Variants in NRG1 observed in about 807,000 individuals in gnomAD.
NRG1 encodes pro-neuregulin-1, membrane-bound isoform.
A neutral mutation model predicts 63.8 loss-of-function variants in NRG1; 18 were observed. The ratio of observed to expected loss-of-function variants is 0.28; its 90% CI spans 0.19 to 0.42. NRG1 has a LOEUF of 0.42. Among genes scored for constraint, NRG1 ranks in the 10% least tolerant of loss-of-function variants. The pLI is 1.00. For missense variants in NRG1, 762 were observed against 814.7 expected (o/e 0.94, Z 0.79); for synonymous variants, 302 against 301.3 (o/e 1.00, Z -0.02).
intron 1 of NRG1, among the ~76,000 whole-genome samples, chr8:32,383,462 T>G (rs991183758): frequency 6.6e-6 from 1 of 152,328 alleles, no homozygotes; most frequent in South Asian, 2.1e-4. Context: ...CTAAGTAACC[T>G]GATACAAAAC....
At chr8:32,269,859 C>T (rs1161143630) in intron 1 of NRG1, among the ~76,000 whole-genome samples, 2 of 151,680 alleles carry the variant, frequency 1.3e-5, no homozygotes, top group Non-Finnish European at 3.0e-5. Context: ...AGTTTTTGAA[C>T]AACAACGATA....
At chr8:31,922,027 A>T (rs997954208) in intron 1 of NRG1, among the ~76,000 whole-genome samples, 1 of 152,200 alleles carries the variant, frequency 6.6e-6, no homozygotes, top group African/African-American at 2.4e-5. Flanking sequence ...TTCAAGCAGC[A>T]ATCTTGTTTT....
intron 1 of NRG1, among the ~76,000 whole-genome samples, chr8:32,220,060 G>A (rs1050915918): frequency 2.6e-5 from 4 of 152,154 alleles, no homozygotes; most frequent in Non-Finnish European, 5.9e-5. Context: ...TTCCTCGTAG[G>A]TTTAAGATCA....
chr8:32,389,232 A>G (rs553983696), intron 1 of NRG1, among the ~76,000 whole-genome samples: 2 of 152,284 alleles, frequency 1.3e-5, no homozygotes, highest in African/African-American at 2.4e-5. Flanking sequence ...GTTAAGGGAC[A>G]ATTGTGACGA....
intron 1 of NRG1, among the ~76,000 whole-genome samples, chr8:32,039,862 GA>G (rs375339076): frequency 5.0e-4 from 72 of 143,600 alleles, no homozygotes; most frequent in South Asian, 6.6e-4. Context: ...CTACAAAATA[GA>G]AAAAAAAAAA....
Position 32,742,569 on chromosome 8 carries a change from A to T in NRG1, c.633-106A>T. 9.7e-7 allele frequency: 1 copy of T among 1,032,410 alleles called. No homozygotes were observed. Among genetic ancestry groups the T allele is most frequent in the Non-Finnish European group, 1.5e-6 (1 of 683,314 alleles). The allele number at this position is 1,032,410 out of a possible 1,614,324, so 64.0% of individuals were successfully genotyped here. On this transcript the variant is annotated intron_variant, in intron 6 of 11. Coordinates refer to ENST00000356819, the Ensembl canonical transcript of NRG1. The surrounding 1 kb of genome is among the most constrained non-coding windows in gnomAD (Gnocchi z 4.2). The stretch of plus-strand genomic sequence containing the variant: ...AGATTCAGTTCCTGAGGGTGAACTC[A>T]CCAAGTTTCAGTCAAATGACACTGA...
chr8:31,772,557 C>T (rs1818728720), intron 1 of NRG1, among the ~76,000 whole-genome samples: 1 of 152,060 alleles, frequency 6.6e-6, no homozygotes, highest in Non-Finnish European at 1.5e-5. Context: ...CCTTGGTCTT[C>T]TAGGACCCTC....
At chr8:32,261,358 A>AGAGT (rs1850345936) in intron 1 of NRG1, among the ~76,000 whole-genome samples, 1 of 148,264 alleles carries the variant, frequency 6.7e-6, no homozygotes. Flanking sequence ...TGCTCCTATT[A>AGAGT]GTGTGTGTGT....
intron 1 of NRG1, among the ~76,000 whole-genome samples, chr8:31,967,487 G>A (rs918535388): frequency 7.2e-5 from 11 of 152,134 alleles, no homozygotes; most frequent in African/African-American, 2.4e-4. Flanking sequence ...AATAGGAATG[G>A]TCAGGGCTGA....
intron 1 of NRG1, among the ~76,000 whole-genome samples, chr8:32,175,507 A>T (rs950919503): frequency 2.0e-5 from 3 of 152,308 alleles, no homozygotes; most frequent in African/African-American, 7.2e-5. Flanking sequence ...GAAGGAAATA[A>T]AGGGTATTCA....
chr8:32,431,073 A>C (rs943766777), intron 1 of NRG1, among the ~76,000 whole-genome samples: 1 of 152,152 alleles, frequency 6.6e-6, no homozygotes, highest in Non-Finnish European at 1.5e-5. Flanking sequence ...ACACAAACAC[A>C]CACATTTAGA....
At chr8:32,351,471 T>C (rs1805598002) in intron 1 of NRG1, among the ~76,000 whole-genome samples, 1 of 152,216 alleles carries the variant, frequency 6.6e-6, no homozygotes, top group African/African-American at 2.4e-5. Context: ...GAGCAAGATC[T>C]AGTCATTTAG....
chr8:32,271,539 T>C lies in NRG1; in HGVS notation c.38-324289T>C, dbSNP rs78402234. 1.8e-4 allele frequency among the ~76,000 whole-genome samples: 27 copies of C among 152,286 alleles called. No individual in the cohort carries two copies. The East Asian group carries it at 5.0e-3, about 28-fold the overall frequency. On this transcript the variant is annotated intron_variant, in intron 1 of 10. Transcript: ENST00000519301. ...TTCAAGTGAGTTGCTAAGTTCATTG[T>C]GAGTCATGCATTCCTTTGTTCAAGT...
intron 1 of NRG1, among the ~76,000 whole-genome samples, chr8:31,936,430 C>T (rs886089179): frequency 5.9e-5 from 9 of 152,116 alleles, no homozygotes; most frequent in Admixed American, 1.3e-4. Context: ...AGCACCATGA[C>T]TTCTAGTAAT....
chr8:32,177,976 G>A (rs1227706778), intron 1 of NRG1, among the ~76,000 whole-genome samples: 7 of 152,088 alleles, frequency 4.6e-5, no homozygotes, highest in African/African-American at 1.7e-4. Flanking sequence ...CAGGAGGATT[G>A]TTGAAGGAGG....
At position 32,716,543 on chromosome 8, in the gene NRG1, C is replaced by CAT. The variant is rs145527092; in HGVS notation, c.503-11396_503-11395dup. Among the ~76,000 whole-genome samples, 487 of 152,012 alleles carry CAT rather than the reference C, an allele frequency of 3.2e-3. 1 individual carries two copies. The highest frequency in any genetic ancestry group is 5.2e-3 in the Non-Finnish European group (355 of 67,960). Reference sequence around the variant, plus strand: ...AGGAGATGGAAGTGTTTTATTAGCCCATATATATATAGATAGATACAGTGC... The same window carrying CAT: ...AGGAGATGGAAGTGTTTTATTAGCCCATATATATATATAGATAGATACAGTGC... On this transcript the variant is annotated intron_variant, in intron 5 of 11. Transcript: ENST00000356819.
intron 5 of NRG1, among the ~76,000 whole-genome samples, chr8:32,715,248 C>T (rs1449268460): frequency 6.6e-6 from 1 of 152,160 alleles, no homozygotes; most frequent in Non-Finnish European, 1.5e-5. Context: ...AACAACTACA[C>T]CCAACTGGAT....
At chr8:32,055,742 T>C (rs1277585482) in intron 1 of NRG1, among the ~76,000 whole-genome samples, 1 of 151,974 alleles carries the variant, frequency 6.6e-6, no homozygotes, top group African/African-American at 2.4e-5. Flanking sequence ...TTCTTATATC[T>C]TTTAACTCAG....
In NRG1 at chr8:31,828,720, T is replaced by C. The variant is rs534397670; in HGVS notation, c.37+189289T>C. Among the ~76,000 whole-genome samples, 29 of 152,290 alleles carry C rather than the reference T, an allele frequency of 1.9e-4. No homozygotes were observed. In the East Asian group the frequency reaches 5.6e-3, roughly 29 times the overall value. ...CCATGATATTTTCAACTTACCCCTT[T>C]CCTTTGGTATTTGCAGGGCAAACTC... On this transcript the variant is annotated intron_variant, in intron 1 of 10. Coordinates refer to the NRG1 transcript ENST00000519301.
Sources: allele counts gnomAD v4.1 joint callset (sites outside exome capture counted in the v4.1 genomes callset), GRCh38; gene constraint gnomAD v4.1.1; non-coding constraint Gnocchi (gnomAD v3.1); transcripts MANE v1.5; gene names NCBI Gene and HGNC (gene_info 2026-07-23, HGNC 2026-07-21).